ABR: variants seen among roughly 807,000 people sequenced by gnomAD.
The protein encoded by ABR is ABR activator of RhoGEF and GTPase, also known as active breakpoint cluster region-related protein.
In ABR, 35 loss-of-function variants were observed where a neutral mutation model predicts 107.2. The ratio of observed to expected loss-of-function variants is 0.33; its 90% CI spans 0.25 to 0.43. The LOEUF is 0.43. ABR is among the 20% of genes least tolerant of loss of function. The probability of loss-of-function intolerance (pLI) is 1.00; values close to 1 mark genes in which losing one functional copy is unlikely to be tolerated. For missense variants in ABR, 815 were observed against 1,115.2 expected, an observed-to-expected ratio of 0.73 and a Z score of 3.83; for synonymous variants, 498 against 462.0, an observed-to-expected ratio of 1.08 and a Z score of -1.00.
At chr17:1,029,303 C>T (rs2072509649) in intron 16 of ABR, among the ~76,000 whole-genome samples, 1 of 151,978 alleles carries the variant, frequency 6.6e-6, no homozygotes, top group South Asian at 2.1e-4. Context: ...AACAGCCCAA[C>T]CACAGGGACC....
intron 3 of ABR, among the ~76,000 whole-genome samples, chr17:1,098,222 G>A (rs1276880938): frequency 4.6e-5 from 7 of 152,010 alleles, no homozygotes; most frequent in African/African-American, 9.7e-5. Flanking sequence ...ACAGGTGCTC[G>A]CCACCACGCC....
At chr17:1,156,422 G>A (rs1157444017) in intron 1 of ABR, among the ~76,000 whole-genome samples, 3 of 152,140 alleles carry the variant, frequency 2.0e-5, no homozygotes, top group African/African-American at 7.2e-5. Flanking sequence ...GGTGGCTCAC[G>A]CCTGCAATGC....
intron 4 of ABR, among the ~76,000 whole-genome samples, chr17:1,086,712 G>A (rs1169719414): frequency 3.3e-5 from 5 of 152,264 alleles, no homozygotes; most frequent in African/African-American, 1.2e-4. Flanking sequence ...TATTGGTCAG[G>A]CTGGTCTTGA....
intron 1 of ABR, among the ~76,000 whole-genome samples, chr17:1,197,160 G>A (rs141797345): frequency 0.013 from 1,957 of 151,732 alleles, 145 homozygotes; most frequent in African/African-American, 0.045. Context: ...CCCCAGCCCT[G>A]CCTGGCCCAG....
intron 10 of ABR, among the ~76,000 whole-genome samples, chr17:1,066,522 C>G (rs2034758408): frequency 6.6e-6 from 1 of 151,982 alleles, no homozygotes. Context: ...TTGCTTCCCT[C>G]TACCTCCACT....
chr17:1,213,853 A>C (rs558641559), intron 1 of ABR, among the ~76,000 whole-genome samples: 1 of 152,102 alleles, frequency 6.6e-6, no homozygotes, highest in Non-Finnish European at 1.5e-5. Flanking sequence ...AAGGCAGTCT[A>C]AGGTGCTGTT....
In ABR at chr17:1,078,871, TC is replaced by T; in HGVS notation, c.700+458del. ...AGGAGAATCTCCATGGCAGCCTCTG[TC>T]CCCGCGGCGGGAGCGTGCAGCCATC... On this transcript the variant is annotated intron_variant, in intron 6 of 22. Coordinates refer to ENST00000302538, the MANE Select transcript of ABR (RefSeq NM_021962.5). The surrounding 1 kb of genome is among the most constrained non-coding windows in gnomAD (Gnocchi z 7.5). 1 of 1,535,382 alleles carries T rather than the reference TC, an allele frequency of 6.5e-7. No individual in the cohort carries two copies. Among genetic ancestry groups the T allele is most frequent in the Non-Finnish European group, 8.7e-7 (1 of 1,146,758 alleles).
intron 1 of ABR, among the ~76,000 whole-genome samples, chr17:1,224,809 GGA>G (rs1279896301): frequency 3.3e-5 from 5 of 152,064 alleles, no homozygotes; most frequent in African/African-American, 1.2e-4. Context: ...TGAGTAGCTG[GGA>G]CTATAGGTTC....
intron 16 of ABR, among the ~76,000 whole-genome samples, chr17:1,030,592 TG>T (rs1434818292): frequency 6.6e-6 from 1 of 152,188 alleles, no homozygotes; most frequent in African/African-American, 2.4e-5. Flanking sequence ...ATGTCACCTC[TG>T]GGAGGTCAAG....
At chr17:1,062,659 C>T (rs1469758857) in intron 10 of ABR, among the ~76,000 whole-genome samples, 3 of 144,870 alleles carry the variant, frequency 2.1e-5, no homozygotes, top group Non-Finnish European at 4.7e-5. Flanking sequence ...CCTCTAGACA[C>T]TGTTGTTATG....
chr17:1,188,399 A>C (rs1455278497), upstream of ABR, among the ~76,000 whole-genome samples: 16 of 151,570 alleles, frequency 1.1e-4, no homozygotes, highest in African/African-American at 3.9e-4. Context: ...AAATACAAAA[A>C]ATCATCTGGG....
chr17:1,097,712 A>G (rs1187589667), intron 3 of ABR, among the ~76,000 whole-genome samples: 1 of 152,132 alleles, frequency 6.6e-6, no homozygotes, highest in Non-Finnish European at 1.5e-5. Flanking sequence ...ACGATAGCTC[A>G]TTCACCTGCT....
At chr17:1,081,242 T>C (rs1462781670) in intron 5 of ABR, among the ~76,000 whole-genome samples, 2 of 152,164 alleles carry the variant, frequency 1.3e-5, no homozygotes, top group Non-Finnish European at 2.9e-5. Flanking sequence ...CAGCCCCTTT[T>C]ATTTGTATTT....
chr17:1,063,678 T>C (rs2920406), intron 10 of ABR, among the ~76,000 whole-genome samples: 2,138 of 137,474 alleles, frequency 0.016, 40 homozygotes, highest in Admixed American at 0.022. Context: ...CATGTTCCTC[T>C]AGACACTGTT....
At chr17:1,167,821 C>A (rs529988400) in intron 1 of ABR, among the ~76,000 whole-genome samples, 8 of 152,340 alleles carry the variant, frequency 5.3e-5, no homozygotes, top group African/African-American at 1.9e-4. Context: ...GAAGAAATGA[C>A]AACTGGCATG....
intron 1 of ABR, among the ~76,000 whole-genome samples, chr17:1,170,009 G>GTGTGT (rs1254921733): frequency 7.8e-6 from 1 of 128,848 alleles, no homozygotes. Flanking sequence ...TGTGTGTGTG[G>GTGTGT]GGGGGGGGTG....
Position 1,146,866 on chromosome 17 carries a change from CACCATTGCT to C in ABR, c.62-21508_62-21500del, listed in dbSNP as rs372532938. ...ACCAGGCCACCACTGCCACCACTGCCACCATTGCTACATGACACCACTGCCGCCACTGCC... is the reference window on the plus strand; with the variant it reads ...ACCAGGCCACCACTGCCACCACTGCCACATGACACCACTGCCGCCACTGCC... On this transcript the variant is annotated intron_variant, in intron 1 of 22. Transcript: ENST00000302538. Among the ~76,000 whole-genome samples the C allele has an allele frequency of 2.1e-3, 311 of 148,172 alleles. 1 individual carries two copies. The highest frequency in any genetic ancestry group is 7.1e-3 in the African/African-American group (283 of 39,980).
chr17:1,026,870 C>A (rs2150874583), intron 16 of ABR, among the ~76,000 whole-genome samples: 1 of 152,216 alleles, frequency 6.6e-6, no homozygotes, highest in East Asian at 1.9e-4. Context: ...AGCACCAGCG[C>A]CCTGTGGCCA....
chr17:1,169,219 C>G (rs144757868), intron 1 of ABR, among the ~76,000 whole-genome samples: 1,800 of 152,328 alleles, frequency 0.012, 30 homozygotes, highest in African/African-American at 0.04. Flanking sequence ...GCAGAGAAGA[C>G]CTGGTGCGTC....
Sources: allele counts gnomAD v4.1 joint callset (sites outside exome capture counted in the v4.1 genomes callset), GRCh38; gene constraint gnomAD v4.1.1; non-coding constraint Gnocchi (gnomAD v3.1); transcripts MANE v1.5; gene names NCBI Gene and HGNC (gene_info 2026-07-23, HGNC 2026-07-21).